SESTD1: variants seen among roughly 807,000 people sequenced by gnomAD.
SESTD1 encodes SEC14 domain and spectrin repeat-containing protein 1.
Under a neutral mutation model 101.7 loss-of-function variants are expected in SESTD1, and 43 were observed. The ratio of observed to expected loss-of-function variants is 0.42; its 90% CI spans 0.33 to 0.55. SESTD1 has a LOEUF of 0.55. Among genes scored for constraint, SESTD1 ranks in the 20% least tolerant of loss-of-function variants. The pLI, the probability that SESTD1 is intolerant of heterozygous loss-of-function variation, is 0.07. For synonymous variants in SESTD1, 283 were observed against 286.8 expected, an observed-to-expected ratio of 0.99 and a Z score of 0.13; for missense variants, 647 against 815.1, an observed-to-expected ratio of 0.79 and a Z score of 2.51.
In SESTD1 at chr2:179,102,702, A is replaced by G. The variant is rs1465235644; in HGVS notation, c.*7197T>C. ...TAATTCTATAGACTAATACAGGTGA[A>G]TGCTGTATGTAATAGAACAGCTGGG... On this transcript the variant is annotated 3_prime_UTR_variant, in exon 18 of 18. Transcript: ENST00000428443. 6.6e-6 allele frequency: 1 copy of G among 152,156 alleles called. No homozygotes were observed. Among genetic ancestry groups the G allele is most frequent in the Non-Finnish European group, 1.5e-5 (1 of 68,024 alleles). The allele number at this position is 152,156 out of a possible 1,614,324, so 9.4% of individuals were successfully genotyped here. A position where few individuals can be genotyped will look rare whatever the true frequency, so the allele number is the denominator to read the frequency against.
At chr2:179,235,602 T>C (rs1366543799) in intron 1 of SESTD1, among the ~76,000 whole-genome samples, 1 of 152,188 alleles carries the variant, frequency 6.6e-6, no homozygotes, top group Non-Finnish European at 1.5e-5. Flanking sequence ...CAATGGCACA[T>C]AGCCTGCTGA....
At position 179,132,142 on chromosome 2, in the gene SESTD1, A is replaced by G. The variant is rs532558467; in HGVS notation, c.972+162T>C. 156 of 723,760 alleles carry G rather than the reference A, an allele frequency of 2.2e-4. 1 individual carries two copies. The African/African-American group carries it at 2.6e-3, about 12-fold the overall frequency. The allele number at this position is 723,760 out of a possible 1,614,324, so 44.8% of individuals were successfully genotyped here. On this transcript the variant is annotated intron_variant, in intron 10 of 17. Transcript: ENST00000428443. ...AAAAACAACCTTCTAATTAACATGT[A>G]CTAAGTAATCAAAATGTACTTTATG...
In SESTD1 at chr2:179,182,147, T is replaced by C. The variant is rs113948978; in HGVS notation, c.164+933A>G. On this transcript the variant is annotated intron_variant, in intron 3 of 17. Coordinates refer to ENST00000428443, the MANE Select transcript of SESTD1 (RefSeq NM_178123.5). ...ATAAAATGCAAATACAGGAAAAACA[T>C]ACAAAGAATTGTTTACTCTGATGAA... Among the ~76,000 whole-genome samples the C allele has an allele frequency of 7.9e-5, 12 of 152,146 alleles. 1 individual carries two copies. Among genetic ancestry groups the C allele is most frequent in the African/African-American group, 2.9e-4 (12 of 41,508 alleles).
chr2:179,112,601 G>C, intron 17 of SESTD1, 123 bp downstream of exon 17: 3 of 1,154,752 alleles, frequency 2.6e-6, no homozygotes, highest in Non-Finnish European at 3.5e-6. Flanking sequence ...ATTCATCGTA[G>C]GAGTTAAAGA....
chr2:179,199,539 T>C (rs1220031295), intron 1 of SESTD1, among the ~76,000 whole-genome samples: 4 of 152,152 alleles, frequency 2.6e-5, no homozygotes, highest in Non-Finnish European at 5.9e-5. Context: ...TGATGAACAT[T>C]GATGCAAAAA....
intron 5 of SESTD1, among the ~76,000 whole-genome samples, chr2:179,154,618 C>G (rs1019450762): frequency 6.6e-6 from 1 of 152,132 alleles, no homozygotes; most frequent in Non-Finnish European, 1.5e-5. Context: ...TAAAACTAAT[C>G]ACTGTCTAAA....
chr2:179,172,274 A>ATT, intron 4 of SESTD1, 41 bp from the exon 5 acceptor site: 3 of 1,303,670 alleles, frequency 2.3e-6, no homozygotes, highest in Non-Finnish European at 3.2e-6. Context: ...ACACATGTAA[A>ATT]ATGAATAATT....
intron 10 of SESTD1, among the ~76,000 whole-genome samples, chr2:179,124,869 G>A (rs1170021916): frequency 2.0e-5 from 3 of 152,158 alleles, no homozygotes; most frequent in Non-Finnish European, 2.9e-5. Context: ...TGGGTGCCTC[G>A]TTCCTCACTA....
rs140486637 is a variant in SESTD1 at position 179,129,831 on chromosome 2, G to C, written c.972+2473C>G. The stretch of plus-strand genomic sequence containing the variant: ...AACCTATTCTCAGGGTGACAATGCA[G>C]TGCCACCTATTGGCTAAAACAGCAC... On this transcript the variant is annotated intron_variant, in intron 10 of 17. Coordinates refer to ENST00000428443, the MANE Select transcript of SESTD1 (RefSeq NM_178123.5). Among the ~76,000 whole-genome samples, 620 of 152,302 alleles carry C rather than the reference G, an allele frequency of 4.1e-3. 7 individuals carry two copies. The highest frequency in any genetic ancestry group is 0.014 in the African/African-American group (584 of 41,572).
At chr2:179,248,630 G>T (rs1384965770) in intron 1 of SESTD1, among the ~76,000 whole-genome samples, 1 of 149,802 alleles carries the variant, frequency 6.7e-6, no homozygotes, top group Admixed American at 6.6e-5. Flanking sequence ...ATGAACTCTT[G>T]CAAAAAAAAA....
At chr2:179,110,175 G>T in intron 17 of SESTD1, 147 bp from the exon 18 acceptor site, 1 of 754,528 alleles carries the variant, frequency 1.3e-6, no homozygotes, top group Non-Finnish European at 2.1e-6. Flanking sequence ...CATACTGTTT[G>T]AGCAGGAAAT....
intron 7 of SESTD1, among the ~76,000 whole-genome samples, chr2:179,147,859 C>T (rs969095910): frequency 3.9e-5 from 6 of 152,174 alleles, no homozygotes; most frequent in Non-Finnish European, 8.8e-5. Flanking sequence ...TAAGAAACAT[C>T]AAACTTACTC....
At chr2:179,223,521 G>A (rs1446001088) in intron 1 of SESTD1, among the ~76,000 whole-genome samples, 3 of 151,708 alleles carry the variant, frequency 2.0e-5, no homozygotes, top group African/African-American at 7.3e-5. Flanking sequence ...GGATGAAAAT[G>A]ATGTACACTT....
At chr2:179,247,758 C>T (rs768823407) in intron 1 of SESTD1, among the ~76,000 whole-genome samples, 3 of 151,718 alleles carry the variant, frequency 2.0e-5, no homozygotes, top group Non-Finnish European at 4.4e-5. Flanking sequence ...TTATTTCTGA[C>T]AATATTATTT....
chr2:179,200,261 G>C (rs1327188999), intron 1 of SESTD1, among the ~76,000 whole-genome samples: 1 of 152,170 alleles, frequency 6.6e-6, no homozygotes, highest in Non-Finnish European at 1.5e-5. Flanking sequence ...ACTGCTCAAT[G>C]AAATAAAAGA....
intron 1 of SESTD1, among the ~76,000 whole-genome samples, chr2:179,248,733 C>T (rs1348346046): frequency 1.3e-5 from 2 of 151,694 alleles, no homozygotes; most frequent in Non-Finnish European, 2.9e-5. Context: ...GCATTAAAAA[C>T]TTAAAGCTAA....
rs145067767 is a variant in SESTD1 at position 179,138,394 on chromosome 2, G to A, written c.849+5198C>T. ...ACAGCCAGCCATGAATTGTCAGATA[G>A]GGTTACATAAAAAGCCAGAAAGGTT... is the stretch of plus-strand genomic sequence containing the variant. On this transcript the variant is annotated intron_variant, in intron 9 of 17. Transcript: ENST00000428443. Among the ~76,000 whole-genome samples, 477 of 152,204 alleles carry A rather than the reference G, an allele frequency of 3.1e-3. 1 individual carries two copies. Among genetic ancestry groups the A allele is most frequent in the African/African-American group, 0.011 (450 of 41,522 alleles).
At chr2:179,163,101 G>C (rs1299817170) in intron 5 of SESTD1, among the ~76,000 whole-genome samples, 3 of 152,032 alleles carry the variant, frequency 2.0e-5, no homozygotes, top group African/African-American at 7.2e-5. Context: ...TGGATCTATA[G>C]AACAATAATT....
At chr2:179,239,031 T>C (rs2047110593) in intron 1 of SESTD1, among the ~76,000 whole-genome samples, 2 of 152,162 alleles carry the variant, frequency 1.3e-5, no homozygotes, top group African/African-American at 4.8e-5. Flanking sequence ...TCACGACTAA[T>C]GTTTGATTTC....
Sources: allele counts gnomAD v4.1 joint callset (sites outside exome capture counted in the v4.1 genomes callset), GRCh38; gene constraint gnomAD v4.1.1; transcripts MANE v1.5; gene names NCBI Gene and HGNC (gene_info 2026-07-23, HGNC 2026-07-21).